Variants in SAMD8 observed in about 807,000 individuals in gnomAD.
The protein encoded by SAMD8 is sphingomyelin synthase-related protein 1.
In SAMD8, 20 loss-of-function variants were observed where a neutral mutation model predicts 42.0. The ratio of observed to expected loss-of-function variants is 0.48; its 90% confidence interval spans 0.34 to 0.69. The LOEUF (loss-of-function observed/expected upper bound fraction) is 0.69, where lower values mean the gene tolerates loss of function less well. Among genes scored for constraint, SAMD8 ranks in the 30% least tolerant of loss-of-function variants. SAMD8 has a pLI of 0.01. For missense variants in SAMD8, 328 were observed against 511.6 expected (o/e 0.64, Z 3.46); for synonymous variants, 162 against 173.0 (o/e 0.94, Z 0.50).
chr10:75,139,400 G>A (rs1408715435), intron 1 of SAMD8, among the ~76,000 whole-genome samples: 1 of 152,070 alleles, frequency 6.6e-6, no homozygotes, highest in African/African-American at 2.4e-5. Flanking sequence ...TTAACCTAAA[G>A]CAATGCAATG....
At chr10:75,111,049 C>T (rs1363724706), upstream of SAMD8, among the ~76,000 whole-genome samples, 1 of 152,164 alleles carries the variant, frequency 6.6e-6, no homozygotes, top group African/African-American at 2.4e-5. Context: ...CTCCTGACCT[C>T]AGGTGATCCC....
At chr10:75,157,071 G>A (rs1344964280) in intron 2 of SAMD8, among the ~76,000 whole-genome samples, 2 of 152,146 alleles carry the variant, frequency 1.3e-5, no homozygotes, top group Non-Finnish European at 2.9e-5. Flanking sequence ...GTGTGTATAT[G>A]TGTGTAGGTA....
At chr10:75,106,943 C>A (rs559791876), upstream of SAMD8, among the ~76,000 whole-genome samples, 1 of 152,358 alleles carries the variant, frequency 6.6e-6, no homozygotes, top group African/African-American at 2.4e-5. Context: ...GTGAGGGACA[C>A]AGCTGTCTTC....
chr10:75,135,348 G>A (rs61006262), intron 1 of SAMD8, among the ~76,000 whole-genome samples: 1 of 151,940 alleles, frequency 6.6e-6, no homozygotes, highest in African/African-American at 2.4e-5. Context: ...AGCTACTCAG[G>A]AGGCTGAGGC....
chr10:75,152,586 C>T (rs561399849), intron 2 of SAMD8, among the ~76,000 whole-genome samples: 1 of 151,182 alleles, frequency 6.6e-6, no homozygotes, highest in African/African-American at 2.4e-5. Flanking sequence ...GGCATGGTGG[C>T]TCATGCCTAT....
chr10:75,127,994 C>G (rs1849183716), intron 1 of SAMD8, among the ~76,000 whole-genome samples: 1 of 151,934 alleles, frequency 6.6e-6, no homozygotes, highest in African/African-American at 2.4e-5. Context: ...ATTTAACGTT[C>G]CCTGTATTAT....
intron 2 of SAMD8, 143 bp from the exon 3 acceptor site, chr10:75,164,502 G>GT: frequency 7.2e-7 from 1 of 1,391,506 alleles, no homozygotes; most frequent in Non-Finnish European, 9.3e-7. Context: ...TTTTCTCCCA[G>GT]TTTCTCCAAA....
At chr10:75,128,317 C>A (rs1331886825) in intron 1 of SAMD8, among the ~76,000 whole-genome samples, 1 of 152,130 alleles carries the variant, frequency 6.6e-6, no homozygotes, top group Non-Finnish European at 1.5e-5. Flanking sequence ...AAGTGATCCA[C>A]CTGCCTCGAC....
intron 1 of SAMD8, among the ~76,000 whole-genome samples, chr10:75,119,635 C>T (rs79937530): frequency 0.014 from 2,109 of 152,252 alleles, 52 homozygotes; most frequent in African/African-American, 0.048. Flanking sequence ...CACACACGTG[C>T]GCACACGTGA....
chr10:75,140,771 A>G (rs1253900811), intron 1 of SAMD8, among the ~76,000 whole-genome samples: 1 of 152,242 alleles, frequency 6.6e-6, no homozygotes, highest in South Asian at 2.1e-4. Flanking sequence ...AAATGTATCA[A>G]TATCTACAAA....
At chr10:75,109,703 G>A (rs1008090744), upstream of SAMD8, among the ~76,000 whole-genome samples, 14 of 152,274 alleles carry the variant, frequency 9.2e-5, no homozygotes, top group African/African-American at 2.6e-4. Context: ...TCTGAATTAC[G>A]GAGGTCAGGG....
intron 1 of SAMD8, among the ~76,000 whole-genome samples, chr10:75,135,281 C>T (rs1283080113): frequency 1.3e-5 from 2 of 148,740 alleles, no homozygotes; most frequent in African/African-American, 5.0e-5. Context: ...GGAGAAACTC[C>T]GTCTCTACTA....
At chr10:75,136,174 A>C (rs188198400) in intron 1 of SAMD8, among the ~76,000 whole-genome samples, 1 of 151,120 alleles carries the variant, frequency 6.6e-6, no homozygotes, top group South Asian at 2.1e-4. Context: ...TGTTCTTACT[A>C]CTGTTGAACC....
chr10:75,113,942 G>A (rs1848823716), intron 1 of SAMD8, among the ~76,000 whole-genome samples: 1 of 152,198 alleles, frequency 6.6e-6, no homozygotes, highest in African/African-American at 2.4e-5. Flanking sequence ...AAATTAAAGA[G>A]AAACTGTTAG....
Position 75,176,052 on chromosome 10 carries a change from A to G in SAMD8, c.793-14A>G. On this transcript the variant is annotated splice_polypyrimidine_tract_variant and intron_variant, in intron 4 of 5. Transcript: ENST00000542569. The surrounding 1 kb of genome is among the most constrained non-coding windows in gnomAD (Gnocchi z 4.3). ...TAAGCATTTGAAGCACTAATTCATA[A>G]CTTTTCTTCATAGATATATGGCAGT... 2 of 1,606,180 alleles carry G rather than the reference A, an allele frequency of 1.2e-6. No homozygotes were observed. The highest frequency in any genetic ancestry group is 1.7e-6 in the Non-Finnish European group (2 of 1,175,796).
intron 1 of SAMD8, among the ~76,000 whole-genome samples, chr10:75,106,241 C>T (rs1467039815): frequency 6.6e-6 from 1 of 151,834 alleles, no homozygotes; most frequent in African/African-American, 2.4e-5. Context: ...CGCTCCTGGC[C>T]TCCAAACCTT....
At chr10:75,148,604 C>T (rs896244566) in intron 1 of SAMD8, among the ~76,000 whole-genome samples, 8 of 152,272 alleles carry the variant, frequency 5.3e-5, no homozygotes, top group Middle Eastern at 3.4e-3. Flanking sequence ...CCACCCGCCT[C>T]GGCCTCCCAA....
intron 2 of SAMD8, among the ~76,000 whole-genome samples, chr10:75,162,649 CAAA>C (rs11354181): frequency 4.7e-4 from 42 of 89,880 alleles, no homozygotes; most frequent in Middle Eastern, 6.7e-3. Flanking sequence ...AACTCCGTCT[CAAA>C]AAAAAAAAAA....
chr10:75,152,531 AAAAAG>A (rs1840314981), intron 2 of SAMD8, among the ~76,000 whole-genome samples: 6 of 148,080 alleles, frequency 4.1e-5, no homozygotes, highest in African/African-American at 1.5e-4. Flanking sequence ...CAAAAAAAAA[AAAAAG>A]AAAAAAAAAA....
Sources: gnomAD v4.1 joint callset for allele counts (sites outside exome capture counted in the v4.1 genomes callset) on GRCh38, gnomAD v4.1.1 for gene constraint, Gnocchi (gnomAD v3.1) non-coding constraint, MANE v1.5 for transcripts, NCBI Gene and HGNC (gene_info 2026-07-23, HGNC 2026-07-21) for gene names.